The following DYNC2LI1 variants were observed in gnomAD, a reference collection of about 807,000 sequenced individuals.
DYNC2LI1 encodes the protein cytoplasmic dynein 2 light intermediate chain 1.
In DYNC2LI1, 45 loss-of-function variants were observed where a neutral mutation model predicts 51.9. The ratio of observed to expected loss-of-function variants is 0.87; its 90% CI spans 0.68 to 1.11. The LOEUF is 1.11. Among genes scored for constraint, DYNC2LI1 ranks in the 50% most tolerant of loss-of-function variants. DYNC2LI1 has a pLI of 0.00. For missense variants in DYNC2LI1, 490 were observed against 417.4 expected (o/e 1.17, Z -1.51); for synonymous variants, 130 against 137.8 (o/e 0.94, Z 0.40).
In DYNC2LI1 at chr2:43,774,049, A is replaced by C; in HGVS notation, c.-90A>C. 1 of 1,554,416 alleles carries C rather than the reference A, an allele frequency of 6.4e-7. No homozygotes were observed. The highest frequency in any genetic ancestry group is 8.7e-7 in the Non-Finnish European group (1 of 1,143,524). On this transcript the variant is annotated 5_prime_UTR_variant, in exon 1 of 13. Transcript: ENST00000260605. ...CTCCCATGGCAACCCAGAAGGCCTCACTCCCAGACTCCTTGCGGAGCTCGC... is the reference window on the plus strand; with the variant it reads ...CTCCCATGGCAACCCAGAAGGCCTCCCTCCCAGACTCCTTGCGGAGCTCGC...
At chr2:43,824,187 A>G in the DYNC2LI1 span, 3 of 1,614,146 alleles carry the variant, frequency 1.9e-6, no homozygotes, top group Non-Finnish European at 2.5e-6. Flanking sequence ...AAGACCTCTA[A>G]CAGGCATTTC....
rs767250277 is a variant in DYNC2LI1, at chr2:43,796,618, T to TA, written c.577-93dup. On this transcript the variant is annotated intron_variant, in intron 7 of 12. Coordinates refer to ENST00000260605, the MANE Select transcript of DYNC2LI1 (RefSeq NM_016008.4). ...GGAATCCTATTCCTGAAAGTGAGTT[T>TA]AAAAAAATAAGAAATAATCTATTCT... The TA allele has an allele frequency of 9.7e-5, 85 of 880,022 alleles. No individual in the cohort carries two copies. In the South Asian group the frequency reaches 1.4e-3, roughly 14 times the overall value. 54.5% of individuals were successfully genotyped at this position (880,022 alleles called of 1,614,324 possible). A position where few individuals can be genotyped will look rare whatever the true frequency, so the allele number is the denominator to read the frequency against.
chr2:43,827,197 C>T, the DYNC2LI1 span, among the ~76,000 whole-genome samples: 4 of 152,006 alleles, frequency 2.6e-5, no homozygotes, highest in African/African-American at 9.6e-5. Flanking sequence ...TGGTGGCAGG[C>T]GCCTGTAATC....
rs1393682520 is a variant in DYNC2LI1, at chr2:43,806,161, C to T, written c.993+915C>T. 1.3e-5 allele frequency among the ~76,000 whole-genome samples: 2 copies of T among 152,192 alleles called. 1 individual carries two copies. The highest frequency in any genetic ancestry group is 2.9e-5 in the Non-Finnish European group (2 of 68,042). Reference sequence around the variant, plus strand: ...CCTCCCAAAGTGCTGGGATTACAGGCATGAGCCAGTGCGCCTGGCCTAGAT... The same window carrying T: ...CCTCCCAAAGTGCTGGGATTACAGGTATGAGCCAGTGCGCCTGGCCTAGAT... On this transcript the variant is annotated intron_variant, in intron 12 of 12. Transcript: ENST00000260605.
chr2:43,823,013 G>A, the DYNC2LI1 span: 30 of 1,578,158 alleles, frequency 1.9e-5, no homozygotes, highest in East Asian at 7.1e-4. Flanking sequence ...AGCTGAATGT[G>A]AGGTCTGTCA....
chr2:43,791,400 G>T (rs1673777438), intron 5 of DYNC2LI1, among the ~76,000 whole-genome samples: 1 of 152,068 alleles, frequency 6.6e-6, no homozygotes, highest in Non-Finnish European at 1.5e-5. Context: ...TGGCCTGCTG[G>T]GGTTGTGGAA....
chr2:43,827,052 C>T, the DYNC2LI1 span, among the ~76,000 whole-genome samples: 44 of 152,262 alleles, frequency 2.9e-4, 1 homozygote, highest in African/African-American at 1.0e-3. Context: ...GGGCCGGGCG[C>T]GGTGGCTCAC....
intron 2 of DYNC2LI1, among the ~76,000 whole-genome samples, chr2:43,778,193 C>T (rs570929040): frequency 2.6e-5 from 4 of 152,280 alleles, no homozygotes; most frequent in Non-Finnish European, 2.9e-5. Flanking sequence ...GACAGGGTCT[C>T]GCTCTGGTTG....
At chr2:43,785,543 G>A (rs983953486) in intron 3 of DYNC2LI1, among the ~76,000 whole-genome samples, 1 of 151,828 alleles carries the variant, frequency 6.6e-6, no homozygotes, top group East Asian at 1.9e-4. Context: ...AGATCAGCCT[G>A]GCCAACATAG....
rs1034504878 is a variant in DYNC2LI1 at position 43,794,470 on chromosome 2, G to C, written c.334G>C (p.Val112Leu). Residue 112 changes from valine (V) to leucine (L), a missense_variant, in exon 6 of 13, where the codon GTT (valine) becomes CTT (leucine). Transcript: ENST00000260605. ...TTATTTCTTTAGGACGTTTTCTCTTGTTCTCGTTCTGGATCTTTCAAAACC... is the reference window on the plus strand; with the variant it reads ...TTATTTCTTTAGGACGTTTTCTCTTCTTCTCGTTCTGGATCTTTCAAAACC... ...TGDTLRTFSLVLVLDLSKPND... is the reference protein window; with the variant it reads ...TGDTLRTFSLLLVLDLSKPND... The C allele has an allele frequency of 2.5e-6, 4 of 1,609,344 alleles. No homozygotes were observed. The Admixed American group carries it at 6.8e-5, about 27-fold the overall frequency.
rs372001862 is a variant in DYNC2LI1, at chr2:43,795,163, TATC to T, written c.507+527_507+529del. 645 of 990,534 alleles carry T rather than the reference TATC, an allele frequency of 6.5e-4. 3 individuals are homozygous for T. In the African/African-American group the frequency reaches 0.01, roughly 16 times the overall value. The allele number at this position is 990,534 out of a possible 1,614,324, so 61.4% of individuals were successfully genotyped here. Reference sequence around the variant, plus strand: ...CAAGTTCTTCAAATACAATAATAAATATCATCATCTGGAAAACTGAGAGCAGCA... The same window carrying T: ...CAAGTTCTTCAAATACAATAATAAATATCATCTGGAAAACTGAGAGCAGCA... On this transcript the variant is annotated intron_variant, in intron 6 of 12. Transcript: ENST00000260605.
the DYNC2LI1 span, among the ~76,000 whole-genome samples, chr2:43,815,790 T>G: frequency 2.0e-5 from 3 of 151,454 alleles, no homozygotes; most frequent in African/African-American, 7.3e-5. Flanking sequence ...GGCCTTGCTG[T>G]GAGTTGAGGT....
chr2:43,820,118 C>G, the DYNC2LI1 span: 1 of 1,610,080 alleles, frequency 6.2e-7, no homozygotes, highest in Admixed American at 1.7e-5. Flanking sequence ...AGCATAAGCT[C>G]TTTAGTTTCC....
chr2:43,801,884 A>C (rs764102027), intron 10 of DYNC2LI1, among the ~76,000 whole-genome samples, 175 bp downstream of exon 10: 14 of 152,088 alleles, frequency 9.2e-5, no homozygotes, highest in African/African-American at 3.4e-4. Context: ...TCACATTGAC[A>C]TGTTTGTGAT....
At chr2:43,785,645 A>G (rs1395388415) in intron 3 of DYNC2LI1, among the ~76,000 whole-genome samples, 2 of 152,054 alleles carry the variant, frequency 1.3e-5, no homozygotes, top group Non-Finnish European at 2.9e-5. Flanking sequence ...GAGGCATGGG[A>G]ATCACTTGAA....
chr2:43,825,149 A>G, the DYNC2LI1 span: 19 of 1,117,588 alleles, frequency 1.7e-5, no homozygotes, highest in East Asian at 3.2e-4. Flanking sequence ...TGGGAAATGC[A>G]TTTCCCATAA....
chr2:43,775,687 ATTTTCTTTTTTT>A (rs1672978925), intron 1 of DYNC2LI1: 2 of 331,148 alleles, frequency 6.0e-6, no homozygotes, highest in South Asian at 2.2e-5. Context: ...TTCTTTTTTT[ATTTTCTTTTTTT>A]TTTTTTTAGA....
the DYNC2LI1 span, among the ~76,000 whole-genome samples, chr2:43,817,005 C>G: frequency 1.3e-5 from 2 of 152,180 alleles, no homozygotes; most frequent in African/African-American, 2.4e-5. Context: ...TTAGGCAGTT[C>G]ACCCAGAAAG....
At chr2:43,786,794 C>T (rs894464290) in intron 3 of DYNC2LI1, among the ~76,000 whole-genome samples, 1 of 152,124 alleles carries the variant, frequency 6.6e-6, no homozygotes, top group Non-Finnish European at 1.5e-5. Context: ...CCACTGCACT[C>T]CAGCCTGGGC....
Sources: gnomAD v4.1 joint callset for allele counts (sites outside exome capture counted in the v4.1 genomes callset) on GRCh38, gnomAD v4.1.1 for gene constraint, MANE v1.5 for transcripts, NCBI Gene and HGNC (gene_info 2026-07-23, HGNC 2026-07-21) for gene names.